The following ZPBP variants were observed in gnomAD, a reference collection of about 807,000 sequenced individuals.
The protein encoded by ZPBP is zona pellucida-binding protein 1.
Under a neutral mutation model 44.8 loss-of-function variants are expected in ZPBP, and 26 were observed. The ratio of observed to expected loss-of-function variants is 0.58; its 90% CI spans 0.43 to 0.81. The LOEUF is 0.81. ZPBP is among the 30% of genes least tolerant of loss of function. The pLI, the probability that ZPBP is intolerant of heterozygous loss-of-function variation, is 0.00. For missense variants in ZPBP, 409 were observed against 434.0 expected (o/e 0.94, Z 0.51); for synonymous variants, 174 against 153.2 (o/e 1.14, Z -1.00).
At chr7:49,913,692 T>C (rs1297252714) in intron 1 of ZPBP, 1 of 152,174 alleles carries the variant, frequency 6.6e-6, no homozygotes, top group Non-Finnish European at 1.5e-5. Flanking sequence ...TGTATTGTAT[T>C]AGGAGCCAAA....
intron 3 of ZPBP, among the ~76,000 whole-genome samples, chr7:50,071,682 G>A (rs1801845879): frequency 6.6e-6 from 1 of 152,096 alleles, no homozygotes; most frequent in Non-Finnish European, 1.5e-5. Flanking sequence ...ACCAGCCCAA[G>A]CACAGTAGGA....
chr7:49,848,007 A>G (rs986495175), downstream of ZPBP, among the ~76,000 whole-genome samples: 1 of 152,204 alleles, frequency 6.6e-6, no homozygotes, highest in African/African-American at 2.4e-5. Flanking sequence ...AAAATGAGAT[A>G]GGGCTAGCAC....
intron 2 of ZPBP, among the ~76,000 whole-genome samples, chr7:49,856,057 G>A (rs1245946024): frequency 1.3e-5 from 2 of 152,166 alleles, no homozygotes; most frequent in African/African-American, 2.4e-5. Flanking sequence ...TGCCTTTCAG[G>A]GCTGATGTTC....
intron 1 of ZPBP, chr7:49,915,993 G>C (rs779725196): frequency 3.9e-5 from 6 of 152,120 alleles, no homozygotes; most frequent in Non-Finnish European, 8.8e-5. Flanking sequence ...CAGATTAAGA[G>C]AGAACAATTT....
intron 1 of ZPBP, chr7:49,921,459 G>A (rs1235482760): frequency 6.6e-6 from 1 of 152,136 alleles, no homozygotes; most frequent in Non-Finnish European, 1.5e-5. Flanking sequence ...TTTGGCCTTT[G>A]GAGGTCTGAT....
intron 1 of ZPBP, among the ~76,000 whole-genome samples, chr7:49,902,511 G>A (rs1284231689): frequency 1.4e-5 from 2 of 142,898 alleles, no homozygotes; most frequent in African/African-American, 5.1e-5. Flanking sequence ...TTGTTTGCTT[G>A]TTTTTTTAAC....
chr7:49,862,653 GTT>G (rs200190931), intron 2 of ZPBP, among the ~76,000 whole-genome samples: 1 of 141,276 alleles, frequency 7.1e-6, no homozygotes, highest in East Asian at 2.1e-4. Flanking sequence ...ACTTTGATGT[GTT>G]TTTTTTTTCA....
In ZPBP at chr7:49,877,502, A is replaced by AAC. The variant is rs1253242505; in HGVS notation, n.509+23615_509+23616insGT. Among the ~76,000 whole-genome samples the AAC allele has an allele frequency of 8.6e-5, 8 of 92,782 alleles. 3 individuals carry two copies. Among genetic ancestry groups the AAC allele is most frequent in the Non-Finnish European group, 1.8e-4 (8 of 43,584 alleles). The allele number at this position is 92,782 out of a possible 152,430, so 60.9% of individuals were successfully genotyped here. ...AAAAAATATATATATATATATATAT[A>AAC]TATATATATATATATAGTTATTTGG... On this transcript the variant is annotated intron_variant and non_coding_transcript_variant, in intron 2 of 2. Coordinates refer to the ZPBP transcript ENST00000465922.
chr7:49,901,552 C>A (rs181834812), intron 1 of ZPBP, among the ~76,000 whole-genome samples: 1 of 151,466 alleles, frequency 6.6e-6, no homozygotes, highest in African/African-American at 2.4e-5. Flanking sequence ...TAGAAAAAAT[C>A]ATAGAATATA....
rs1562820455 is a variant in ZPBP at position 49,981,658 on chromosome 7, A to ATTATACT, written c.961+1683_961+1684insAGTATAA. Among the ~76,000 whole-genome samples the ATTATACT allele has an allele frequency of 4.3e-4, 32 of 74,540 alleles. 4 individuals carry two copies. The Admixed American group carries it at 5.4e-3, about 13-fold the overall frequency. The allele number at this position is 74,540 out of a possible 152,430, so 48.9% of individuals were successfully genotyped here. A position where few individuals can be genotyped will look rare whatever the true frequency, so the allele number is the denominator to read the frequency against. On this transcript the variant is annotated intron_variant, in intron 7 of 7. Transcript: ENST00000046087. ...TATATATTATATAATATCTTGATAT[A>ATTATACT]AAATATATATTATATATTATATATA...
At chr7:49,943,482 G>T (rs1201397651) in intron 7 of ZPBP, 1 of 455,590 alleles carries the variant, frequency 2.2e-6, no homozygotes. Flanking sequence ...CATTTAGATA[G>T]CCAATGAACC....
At chr7:50,012,619 C>T (rs1379179611) in intron 6 of ZPBP, among the ~76,000 whole-genome samples, 2 of 150,120 alleles carry the variant, frequency 1.3e-5, no homozygotes, top group Non-Finnish European at 3.0e-5. Flanking sequence ...GTAATGTAAT[C>T]TCCCAGTAAA....
At chr7:50,027,088 T>G (rs1436250778) in intron 5 of ZPBP, among the ~76,000 whole-genome samples, 1 of 151,914 alleles carries the variant, frequency 6.6e-6, no homozygotes, top group Non-Finnish European at 1.5e-5. Flanking sequence ...CTCATAAATA[T>G]GTATAGCTTT....
intron 4 of ZPBP, among the ~76,000 whole-genome samples, chr7:50,040,063 C>A (rs904013940): frequency 6.6e-6 from 1 of 151,928 alleles, no homozygotes; most frequent in Non-Finnish European, 1.5e-5. Context: ...AGAATTAATG[C>A]AGAATAGAAG....
intron 2 of ZPBP, among the ~76,000 whole-genome samples, chr7:49,898,421 T>C (rs566644904): frequency 3.3e-5 from 5 of 152,124 alleles, no homozygotes; most frequent in South Asian, 2.1e-4. Context: ...CTAAAGAACT[T>C]TGAACATTTC....
chr7:49,887,980 C>T (rs763214343), intron 2 of ZPBP, among the ~76,000 whole-genome samples: 1 of 151,918 alleles, frequency 6.6e-6, no homozygotes, highest in Non-Finnish European at 1.5e-5. Context: ...TTTCACAATG[C>T]ATTGCCCTTC....
chr7:50,072,232 G>T (rs553079244), intron 3 of ZPBP, among the ~76,000 whole-genome samples: 308 of 152,350 alleles, frequency 2.0e-3, no homozygotes, highest in Admixed American at 5.5e-3. Flanking sequence ...TGGCCTGGGG[G>T]TGGTGGTGGC....
intron 7 of ZPBP, among the ~76,000 whole-genome samples, chr7:49,957,006 T>C (rs1795625422): frequency 1.3e-5 from 2 of 152,104 alleles, no homozygotes; most frequent in Non-Finnish European, 2.9e-5. Context: ...CCTTAAGAGG[T>C]GATTAGACCA....
intron 2 of ZPBP, among the ~76,000 whole-genome samples, chr7:49,881,492 T>C (rs928382110): frequency 8.5e-5 from 13 of 152,146 alleles, no homozygotes; most frequent in African/African-American, 3.1e-4. Flanking sequence ...GCACAAAACG[T>C]CCTGTCTCTT....
Sources: allele counts gnomAD v4.1 joint callset (sites outside exome capture counted in the v4.1 genomes callset), GRCh38; gene constraint gnomAD v4.1.1; transcripts MANE v1.5; gene names NCBI Gene and HGNC (gene_info 2026-07-23, HGNC 2026-07-21).